PGAM5: variants seen among roughly 807,000 people sequenced by gnomAD.
PGAM5 encodes PGAM family member 5, mitochondrial serine/threonine protein phosphatase.
PGAM5 carries 25 observed loss-of-function variants against 30.6 expected under a neutral mutation model. That is an observed-to-expected ratio of 0.82 (90% CI 0.60 to 1.14). The LOEUF (loss-of-function observed/expected upper bound fraction) is 1.14. Among genes scored for constraint, PGAM5 ranks in the 50% most tolerant of loss-of-function variants. PGAM5 has a pLI of 0.00. For missense variants in PGAM5, 384 were observed against 408.5 expected (o/e 0.94, Z 0.52); for synonymous variants, 201 against 179.1 (o/e 1.12, Z -0.98).
chr12:132,717,964 A>T (rs1162948296), intron 4 of PGAM5, 23 bp from the exon 5 acceptor site: 2 of 1,612,282 alleles, frequency 1.2e-6, no homozygotes, highest in Non-Finnish European at 1.7e-6. Context: ...TTCCGCACTG[A>T]CGGCTCCTCA....
At chr12:132,712,940 T>C (rs1216946892) in intron 1 of PGAM5, among the ~76,000 whole-genome samples, 1 of 151,944 alleles carries the variant, frequency 6.6e-6, no homozygotes, top group Non-Finnish European at 1.5e-5. Context: ...GGCGGATCAC[T>C]TGAGGTCAGG....
At chr12:132,718,900 G>T (rs945580384) in intron 5 of PGAM5, 123 of 1,597,834 alleles carry the variant, frequency 7.7e-5, no homozygotes, top group Non-Finnish European at 9.6e-5. Flanking sequence ...CGAGGCCACA[G>T]CTGAGTCACG....
At chr12:132,720,220 A>C (rs1293190471) in intron 5 of PGAM5, among the ~76,000 whole-genome samples, 3 of 149,746 alleles carry the variant, frequency 2.0e-5, no homozygotes, top group Non-Finnish European at 3.0e-5. Context: ...GAGACTTCTG[A>C]GGGGCTCAGC....
intron 5 of PGAM5, among the ~76,000 whole-genome samples, chr12:132,719,869 G>C (rs1325544828): frequency 6.6e-6 from 1 of 152,224 alleles, no homozygotes; most frequent in Non-Finnish European, 1.5e-5. Flanking sequence ...TTGTGCCTAA[G>C]AAGTGCATGA....
chr12:132,718,771 GCT>G (rs2043613618), intron 5 of PGAM5: 1 of 1,613,368 alleles, frequency 6.2e-7, no homozygotes, highest in Admixed American at 1.7e-5. Context: ...GCATCCCGCC[GCT>G]GTTGTCCGCT....
intron 5 of PGAM5, among the ~76,000 whole-genome samples, chr12:132,720,210 G>C (rs1041103405): frequency 2.0e-5 from 3 of 151,016 alleles, no homozygotes; most frequent in Non-Finnish European, 4.4e-5. Context: ...AGGCTGCTCT[G>C]AGACTTCTGA....
In PGAM5 at chr12:132,711,977, G is replaced by C. The variant is rs150891669; in HGVS notation, c.191+910G>C. Among the ~76,000 whole-genome samples, 61 of 152,276 alleles carry C rather than the reference G, an allele frequency of 4.0e-4. No homozygotes were observed. In the East Asian group the frequency reaches 0.01, roughly 25 times the overall value. On this transcript the variant is annotated intron_variant, in intron 1 of 5. Transcript: ENST00000498926. The stretch of plus-strand genomic sequence containing the variant: ...CCAGGACTGCTCTAGCGGCAAGGAT[G>C]GTTTTCCCAGTCCTAACTCCTCATT...
At position 132,720,762 on chromosome 12, in the gene PGAM5, C is replaced by G; in HGVS notation, c.804C>G (p.Gly268=). 1 of 1,536,456 alleles carries G rather than the reference C, an allele frequency of 6.5e-7. No individual in the cohort carries two copies. The highest frequency in any genetic ancestry group is 8.7e-7 in the Non-Finnish European group (1 of 1,146,884). Residue 268 remains glycine (G), a synonymous_variant, in exon 6 of 6, where the codon GGC becomes GGG. Coordinates refer to ENST00000498926, the MANE Select transcript of PGAM5 (RefSeq NM_001170543.2). Reference sequence around the variant, plus strand: ...CCCACCTGGTGATCCGACCCAACGGCCGAGTTGCGCTCAGGACCCTCGGGG... The same window carrying G: ...CCCACCTGGTGATCCGACCCAACGGGCGAGTTGCGCTCAGGACCCTCGGGG... ...SITHLVIRPN[G]RVALRTLGDT... is the part of the protein sequence containing the mutation.
chr12:132,719,309 T>C, intron 5 of PGAM5: 1 of 985,502 alleles, frequency 1.0e-6, no homozygotes, highest in Non-Finnish European at 1.2e-6. Flanking sequence ...CCCTGGTCTC[T>C]GCCCGTCTGT....
chr12:132,718,175 G>A (rs931804105), intron 5 of PGAM5, 55 bp downstream of exon 5: 12 of 1,604,778 alleles, frequency 7.5e-6, no homozygotes, highest in East Asian at 2.2e-5. Flanking sequence ...TTAGAGAAAA[G>A]CATGAGGAAG....
chr12:132,720,566 A>G (rs1207876014), intron 5 of PGAM5, 112 bp from the exon 6 acceptor site: 8 of 1,166,748 alleles, frequency 6.9e-6, no homozygotes, highest in Middle Eastern at 2.1e-4. Context: ...CTGGCCTCCC[A>G]AAGTGCTGGG....
intron 1 of PGAM5, 31 bp downstream of exon 1, chr12:132,711,098 G>T: frequency 8.3e-7 from 1 of 1,198,594 alleles, no homozygotes; most frequent in Non-Finnish European, 1.0e-6. Flanking sequence ...GGCCGGGGTC[G>T]GGATGGGGGT....
chr12:132,713,273 G>T (rs1442351488), intron 1 of PGAM5, among the ~76,000 whole-genome samples: 1 of 152,234 alleles, frequency 6.6e-6, no homozygotes, highest in Admixed American at 6.5e-5. Context: ...ATTGGGCCTT[G>T]TGGGTTGGGA....
rs2043639884 is a variant in PGAM5 at position 132,721,035 on chromosome 12, C to T, written c.*207C>T. 9 of 591,920 alleles carry T rather than the reference C, an allele frequency of 1.5e-5. No homozygotes were observed. The highest frequency in any genetic ancestry group is 4.7e-4 in the Middle Eastern group (1 of 2,144). The allele number at this position is 591,920 out of a possible 1,614,324, so 36.7% of individuals were successfully genotyped here. On this transcript the variant is annotated 3_prime_UTR_variant, in exon 6 of 6. Transcript: ENST00000498926. ...ACCTGACCATGAACCCCCAGGATGG[C>T]GTGGGGTTTAAGGTGAAAGCGTCTC...
chr12:132,715,009 G>C lies in PGAM5; in HGVS notation c.343G>C (p.Glu115Gln), dbSNP rs750857782. 1.9e-6 allele frequency: 3 copies of C among 1,612,714 alleles called. No homozygotes were observed. In the Admixed American group the frequency reaches 5.0e-5, roughly 27 times the overall value. Residue 115 changes from glutamate (E) to glutamine (Q), a missense_variant, in exon 2 of 6, where the codon GAG becomes CAG. Glu to Gln is a conservative substitution (Grantham distance 29). Coordinates refer to ENST00000498926, the MANE Select transcript of PGAM5 (RefSeq NM_001170543.2). ...CCAGTACCACGTGGATGGCTCCCTG[G>C]AGAAGGACCGCACTCTGACCCCGCT... ...HSQYHVDGSL[E>Q]KDRTLTPLGR...
At chr12:132,717,076 G>T (rs1478201038) in intron 2 of PGAM5, among the ~76,000 whole-genome samples, 5 of 152,148 alleles carry the variant, frequency 3.3e-5, no homozygotes, top group Non-Finnish European at 5.9e-5. Flanking sequence ...GGACACAGTT[G>T]AGTGAGGGTG....
chr12:132,720,029 CA>C (rs1254559085), intron 5 of PGAM5, among the ~76,000 whole-genome samples: 1 of 152,194 alleles, frequency 6.6e-6, no homozygotes, highest in East Asian at 1.9e-4. Context: ...CTGATCTGTG[CA>C]AATCTTGAGT....
Position 132,720,809 on chromosome 12 carries a change from AC to A in PGAM5, c.852del (p.Asp284GlufsTer69). 6.5e-7 allele frequency: 1 copy of A among 1,536,336 alleles called. No homozygotes were observed. The highest frequency in any genetic ancestry group is 8.7e-7 in the Non-Finnish European group (1 of 1,146,806). On this transcript the variant is annotated frameshift_variant, in exon 6 of 6. Coordinates refer to ENST00000498926, the MANE Select transcript of PGAM5 (RefSeq NM_001170543.2). LOFTEE classifies it high-confidence loss of function. ...GGGGACACGGGGTTCATGCCTCCCG[AC>A]AAGATCACTCGATCCTGAGGGCTCC... The part of the protein sequence containing the change: ...TLGDTGFMPP[D>X]KITRS
chr12:132,715,096 T>TC (rs2043561929), intron 2 of PGAM5, 60 bp downstream of exon 2: 1 of 724,266 alleles, frequency 1.4e-6, no homozygotes, highest in East Asian at 5.2e-5. Context: ...GGTGCATATC[T>TC]GCTGGCGCCT....
Sources: gnomAD v4.1 joint callset for allele counts (sites outside exome capture counted in the v4.1 genomes callset) on GRCh38, gnomAD v4.1.1 for gene constraint, MANE v1.5 for transcripts, NCBI Gene and HGNC (gene_info 2026-07-23, HGNC 2026-07-21) for gene names.